The following ARPC2 variants were observed in gnomAD, a reference collection of about 807,000 sequenced individuals.
ARPC2 encodes actin-related protein 2/3 complex subunit 2.
In ARPC2, 4 loss-of-function variants were observed where a neutral mutation model predicts 38.6. The ratio of observed to expected loss-of-function variants is 0.10; its 90% CI spans 0.05 to 0.24. The LOEUF (loss-of-function observed/expected upper bound fraction) is 0.24, where lower values mean the gene tolerates loss of function less well. Among genes scored for constraint, ARPC2 ranks in the 10% least tolerant of loss-of-function variants. The pLI is 1.00. For synonymous variants in ARPC2, 125 were observed against 140.8 expected, an observed-to-expected ratio of 0.89 and a Z score of 0.79; for missense variants, 229 against 387.3, an observed-to-expected ratio of 0.59 and a Z score of 3.43.
rs774266971 is a variant in ARPC2, at chr2:218,249,449, C to T, written c.762C>T (p.His254=). The change falls in exon 9 of 11, where the codon CAC becomes CAT. Residue 254 remains histidine (H), a synonymous_variant. Transcript: ENST00000315717. ...IHTFRDYLHY[H]IKCSKAYIHT... is the part of the protein sequence containing the mutation. Reference sequence around the variant, plus strand: ...CGTTCCGGGACTACCTGCACTACCACATCAAGTGCTCTAAGGTGAGGGGGG... The same window carrying T: ...CGTTCCGGGACTACCTGCACTACCATATCAAGTGCTCTAAGGTGAGGGGGG... 4.2e-5 allele frequency: 68 copies of T among 1,609,460 alleles called. No individual in the cohort carries two copies. Among genetic ancestry groups the T allele is most frequent in the Non-Finnish European group, 5.5e-5 (65 of 1,176,494 alleles).
chr2:218,249,210 T>C (rs1318481937), intron 8 of ARPC2, among the ~76,000 whole-genome samples, 154 bp from the exon 9 acceptor site: 1 of 152,164 alleles, frequency 6.6e-6, no homozygotes, highest in Non-Finnish European at 1.5e-5. Context: ...TTAACTTCCA[T>C]GTCAAGAAAA....
intron 3 of ARPC2, among the ~76,000 whole-genome samples, chr2:218,227,671 AC>A (rs1176106457): frequency 8.7e-5 from 13 of 149,052 alleles, no homozygotes; most frequent in African/African-American, 3.2e-4. Flanking sequence ...GCTCACTGCA[AC>A]CTCCACCCCC....
At chr2:218,248,792 A>T (rs993361987) in intron 8 of ARPC2, among the ~76,000 whole-genome samples, 2 of 152,170 alleles carry the variant, frequency 1.3e-5, no homozygotes, top group African/African-American at 4.8e-5. Flanking sequence ...CTGGTGTCAC[A>T]GGGTGGACTT....
chr2:218,238,785 A>G lies in ARPC2; in HGVS notation c.390A>G (p.Gln130=), dbSNP rs1449518727. The part of the protein sequence containing the change: ...CFASVFEKYF[Q]FQEEGKEGEN... ...CCTCTGTCTTTGAAAAATACTTCCAATTCCAAGAAGAGGGCAAGGAAGGAG... is the reference window on the plus strand; with the variant it reads ...CCTCTGTCTTTGAAAAATACTTCCAGTTCCAAGAAGAGGGCAAGGAAGGAG... The change falls in exon 6 of 11, where the codon CAA becomes CAG. Residue 130 remains glutamine, a synonymous_variant. Coordinates refer to ENST00000315717, the MANE Select transcript of ARPC2 (RefSeq NM_152862.3). 7 of 1,613,712 alleles carry G rather than the reference A, an allele frequency of 4.3e-6. No individual in the cohort carries two copies. The highest frequency in any genetic ancestry group is 2.7e-5 in the African/African-American group (2 of 74,834).
chr2:218,240,574 C>G (rs139535992), intron 7 of ARPC2, among the ~76,000 whole-genome samples: 64 of 152,146 alleles, frequency 4.2e-4, no homozygotes, highest in African/African-American at 1.5e-3. Flanking sequence ...AGAGTACTTC[C>G]CTCACAAGAA....
intron 2 of ARPC2, among the ~76,000 whole-genome samples, chr2:218,224,973 A>G (rs1376646758): frequency 1.3e-5 from 2 of 152,222 alleles, no homozygotes; most frequent in East Asian, 3.9e-4. Context: ...TTAGACAAAA[A>G]TAAATGTGAA....
At chr2:218,249,634 A>T (rs1193978288) in intron 9 of ARPC2, 170 bp downstream of exon 9, 7 of 734,056 alleles carry the variant, frequency 9.5e-6, no homozygotes, top group Non-Finnish European at 1.5e-5. Flanking sequence ...ACTGTCCCCC[A>T]TCCCTCCCTA....
chr2:218,237,136 A>T (rs12988858), intron 5 of ARPC2, among the ~76,000 whole-genome samples: 138,465 of 152,136 alleles, frequency 0.91, 64,297 homozygotes, highest in Non-Finnish European at 1. Context: ...TTAAGTATTG[A>T]ACATTCTTTT....
chr2:218,220,982 G>A (rs1411472114), intron 2 of ARPC2, among the ~76,000 whole-genome samples: 1 of 152,184 alleles, frequency 6.6e-6, no homozygotes, highest in Admixed American at 6.5e-5. Flanking sequence ...CTGATCAACA[G>A]CATTGCCTTT....
rs567352622 is a variant in ARPC2, at chr2:218,220,303, A to G, written c.74+2759A>G. Among the ~76,000 whole-genome samples the G allele has an allele frequency of 3.9e-5, 6 of 152,348 alleles. No individual in the cohort carries two copies. In the South Asian group the frequency reaches 1.0e-3, roughly 26 times the overall value. On this transcript the variant is annotated intron_variant, in intron 2 of 10. Coordinates refer to ENST00000315717, the MANE Select transcript of ARPC2 (RefSeq NM_152862.3). ...ATTACAGTTCGGAGCAGCCTTTTCCAGAGTGCATCTTCCATCTCTGTGATG... is the reference window on the plus strand; with the variant it reads ...ATTACAGTTCGGAGCAGCCTTTTCCGGAGTGCATCTTCCATCTCTGTGATG...
intron 2 of ARPC2, among the ~76,000 whole-genome samples, chr2:218,223,092 C>A (rs1689420995): frequency 6.6e-6 from 1 of 152,168 alleles, no homozygotes; most frequent in African/African-American, 2.4e-5. Context: ...CAGTAGTCCC[C>A]CCTTATCTGT....
chr2:218,239,809 T>A (rs1689867064), intron 7 of ARPC2, among the ~76,000 whole-genome samples: 1 of 151,966 alleles, frequency 6.6e-6, no homozygotes, highest in Non-Finnish European at 1.5e-5. Flanking sequence ...GTCAGGCTGG[T>A]CTCAAACTGC....
At chr2:218,241,811 C>T (rs1689922902) in intron 7 of ARPC2, among the ~76,000 whole-genome samples, 1 of 152,238 alleles carries the variant, frequency 6.6e-6, no homozygotes, top group African/African-American at 2.4e-5. Context: ...TAGTAACTGG[C>T]CTGGTGCAGT....
chr2:218,217,440 G>C (rs745587433), intron 1 of ARPC2, 23 bp from the exon 2 acceptor site: 1 of 1,612,916 alleles, frequency 6.2e-7, no homozygotes, highest in Non-Finnish European at 8.5e-7. Flanking sequence ...ACCGGCCCTT[G>C]TTTCTCCTTC....
chr2:218,233,564 G>A (rs752232639), intron 4 of ARPC2: 1 of 151,630 alleles, frequency 6.6e-6, no homozygotes, highest in Non-Finnish European at 1.5e-5. Flanking sequence ...TTAATAGCTA[G>A]CTAAGATTTC....
chr2:218,231,122 G>A (rs536894917), intron 4 of ARPC2, among the ~76,000 whole-genome samples: 1 of 152,140 alleles, frequency 6.6e-6, no homozygotes, highest in African/African-American at 2.4e-5. Flanking sequence ...ACCACAGGAA[G>A]GTTATTACTT....
intron 2 of ARPC2, among the ~76,000 whole-genome samples, chr2:218,220,183 T>G (rs973872520): frequency 6.6e-6 from 1 of 152,134 alleles, no homozygotes; most frequent in African/African-American, 2.4e-5. Flanking sequence ...GGAGAAACCC[T>G]GGAGATTTGA....
At chr2:218,246,980 CTAGGCATGGTGGTGCATGACTG>C (rs1448188284) in intron 8 of ARPC2, among the ~76,000 whole-genome samples, 14 of 152,046 alleles carry the variant, frequency 9.2e-5, no homozygotes, top group Non-Finnish European at 5.9e-5. Flanking sequence ...AAAAAGATAA[CTAGGCATGGTGGTGCATGACTG>C]TAGTCATAGC....
rs554232710 is a variant in ARPC2, at chr2:218,222,546, G to A, written c.75-3374G>A. 5.3e-5 allele frequency among the ~76,000 whole-genome samples: 8 copies of A among 152,308 alleles called. 1 individual carries two copies. The South Asian group carries it at 1.7e-3, about 32-fold the overall frequency. ...CTCTGAGGACTTACCCAGCCGGCTT[G>A]TTCTAGGATTCCAGACATTACAGCA... On this transcript the variant is annotated intron_variant, in intron 2 of 10. Coordinates refer to ENST00000315717, the MANE Select transcript of ARPC2 (RefSeq NM_152862.3).
Sources: gnomAD v4.1 joint callset for allele counts (sites outside exome capture counted in the v4.1 genomes callset) on GRCh38, gnomAD v4.1.1 for gene constraint, MANE v1.5 for transcripts, NCBI Gene and HGNC (gene_info 2026-07-23, HGNC 2026-07-21) for gene names.